Variants in SCAPER observed in about 807,000 individuals in gnomAD.
The protein encoded by SCAPER is S-phase cyclin A associated protein in the ER.
Under a neutral mutation model 182.2 loss-of-function variants are expected in SCAPER, and 98 were observed. The ratio of observed to expected loss-of-function variants is 0.54; its 90% confidence interval spans 0.46 to 0.64. The LOEUF (loss-of-function observed/expected upper bound fraction) is 0.64, where lower values mean the gene tolerates loss of function less well. SCAPER is among the 30% of genes least tolerant of loss of function. The pLI, the probability that SCAPER is intolerant of heterozygous loss-of-function variation, is 0.00. For synonymous variants in SCAPER, 605 were observed against 564.6 expected, an observed-to-expected ratio of 1.07 and a Z score of -1.01; for missense variants, 1,432 against 1,690.0, an observed-to-expected ratio of 0.85 and a Z score of 2.68.
chr15:76,551,272 A>G (rs1266679126), intron 23 of SCAPER, among the ~76,000 whole-genome samples: 2 of 152,230 alleles, frequency 1.3e-5, no homozygotes, highest in Non-Finnish European at 2.9e-5. Context: ...TGTTTATTGC[A>G]GTACTATTCA....
chr15:76,867,809 T>C (rs549597500), intron 2 of SCAPER, among the ~76,000 whole-genome samples: 1 of 152,334 alleles, frequency 6.6e-6, no homozygotes, highest in South Asian at 2.1e-4. Flanking sequence ...CTTTCTTTCC[T>C]GTCACAAAGC....
chr15:76,717,708 T>C (rs2059965065), intron 17 of SCAPER, among the ~76,000 whole-genome samples: 1 of 152,102 alleles, frequency 6.6e-6, no homozygotes, highest in African/African-American at 2.4e-5. Context: ...AAAGAGATCA[T>C]TATTTAATGA....
chr15:76,371,043 C>A (rs548140100), intron 29 of SCAPER, among the ~76,000 whole-genome samples: 1 of 152,218 alleles, frequency 6.6e-6, no homozygotes, highest in Admixed American at 6.5e-5. Flanking sequence ...TCTTAAGCAA[C>A]GTAAGATGAA....
intron 21 of SCAPER, among the ~76,000 whole-genome samples, chr15:76,633,067 C>T (rs765846158): frequency 2.8e-4 from 43 of 152,168 alleles, no homozygotes; most frequent in Non-Finnish European, 5.7e-4. Context: ...GTGTAAGCCA[C>T]CGTGCCCAGC....
At chr15:76,646,083 C>T (rs559436094) in intron 21 of SCAPER, among the ~76,000 whole-genome samples, 1 of 152,220 alleles carries the variant, frequency 6.6e-6, no homozygotes, top group Admixed American at 6.5e-5. Context: ...TTATCCATAT[C>T]TAAATTTATA....
intron 22 of SCAPER, among the ~76,000 whole-genome samples, chr15:76,610,956 G>A (rs2050923932): frequency 6.6e-6 from 1 of 152,002 alleles, no homozygotes; most frequent in African/African-American, 2.4e-5. Context: ...TCCCCAAATA[G>A]TTAAAGCAAT....
chr15:76,619,497 A>G (rs2051817792), intron 22 of SCAPER, among the ~76,000 whole-genome samples: 2 of 152,118 alleles, frequency 1.3e-5, no homozygotes, highest in African/African-American at 2.4e-5. Context: ...ATGCCAAACT[A>G]TTTTTCCAAG....
chr15:76,494,710 T>G (rs999997701), intron 24 of SCAPER, among the ~76,000 whole-genome samples: 1 of 152,080 alleles, frequency 6.6e-6, no homozygotes, highest in Non-Finnish European at 1.5e-5. Flanking sequence ...CTTAAATAAT[T>G]TAATTGTTTT....
chr15:76,464,950 T>C (rs1287404370), intron 25 of SCAPER, among the ~76,000 whole-genome samples: 1 of 152,180 alleles, frequency 6.6e-6, no homozygotes, highest in Non-Finnish European at 1.5e-5. Context: ...TGATATCTCA[T>C]TGTGGTTTTG....
At chr15:76,616,585 T>C (rs143826720) in intron 22 of SCAPER, among the ~76,000 whole-genome samples, 1,645 of 152,218 alleles carry the variant, frequency 0.011, 27 homozygotes, top group African/African-American at 0.037. Context: ...TTTAATATCA[T>C]TAAACTGTAT....
chr15:76,382,849 T>C (rs2043040148), intron 27 of SCAPER, among the ~76,000 whole-genome samples: 1 of 152,166 alleles, frequency 6.6e-6, no homozygotes, highest in Admixed American at 6.5e-5. Context: ...GGAGTTGCTA[T>C]AGCCACTTGT....
At chr15:76,728,571 T>A in intron 17 of SCAPER, 24 bp downstream of exon 17, 1 of 1,612,550 alleles carries the variant, frequency 6.2e-7, no homozygotes, top group Non-Finnish European at 8.5e-7. Context: ...TGCAAAATGT[T>A]CATCAAGATA....
Position 76,733,347 on chromosome 15 carries a change from T to C in SCAPER, c.1904A>G (p.Gln635Arg), listed in dbSNP as rs1252040712. 6.2e-7 allele frequency: 1 copy of C among 1,613,690 alleles called. No individual in the cohort carries two copies. Among genetic ancestry groups the C allele is most frequent in the Non-Finnish European group, 8.5e-7 (1 of 1,179,740 alleles). The change falls in exon 16 of 32, where the codon CAG (glutamine) becomes CGG (arginine). Residue 635 changes from glutamine to arginine, a missense_variant. Gln to Arg is a conservative substitution (Grantham distance 43). Coordinates refer to ENST00000563290, the MANE Select transcript of SCAPER (RefSeq NM_020843.4). ...EIAFINTLEAQNKRHDVLSKL... is the reference protein window; with the variant it reads ...EIAFINTLEARNKRHDVLSKL... Reference sequence around the variant, plus strand: ...TGATAAAACATCATGACGTTTATTCTGGGCTTCAAGGGTATTTATAAAGGC... The same window carrying C: ...TGATAAAACATCATGACGTTTATTCCGGGCTTCAAGGGTATTTATAAAGGC...
chr15:76,880,082 C>T (rs1357422944), intron 2 of SCAPER, among the ~76,000 whole-genome samples: 1 of 152,176 alleles, frequency 6.6e-6, no homozygotes, highest in African/African-American at 2.4e-5. Context: ...CTTAGGTTTG[C>T]CCCGCTAAGC....
chr15:76,436,935 C>G (rs893587447), intron 25 of SCAPER, among the ~76,000 whole-genome samples: 1 of 152,176 alleles, frequency 6.6e-6, no homozygotes, highest in Admixed American at 6.5e-5. Flanking sequence ...AATCATATAT[C>G]CTCCGCAAAC....
At chr15:76,385,815 G>A (rs1320443165) in intron 27 of SCAPER, among the ~76,000 whole-genome samples, 1 of 152,196 alleles carries the variant, frequency 6.6e-6, no homozygotes, top group Non-Finnish European at 1.5e-5. Context: ...CCAAGCCCCT[G>A]TTCTAGAGGC....
intron 23 of SCAPER, among the ~76,000 whole-genome samples, chr15:76,508,887 GGTTGTC>G (rs1272374640): frequency 1.3e-5 from 2 of 151,944 alleles, no homozygotes; most frequent in African/African-American, 4.8e-5. Context: ...CATAAGTTAG[GGTTGTC>G]TACCATAGAT....
chr15:76,578,130 G>A (rs75281718), intron 22 of SCAPER, among the ~76,000 whole-genome samples: 1 of 152,224 alleles, frequency 6.6e-6, no homozygotes, highest in South Asian at 2.1e-4. Context: ...ATAGAAAGGG[G>A]AGGGAAGAGT....
intron 15 of SCAPER, among the ~76,000 whole-genome samples, chr15:76,738,902 T>A (rs2061413882): frequency 6.6e-6 from 1 of 152,160 alleles, no homozygotes; most frequent in Non-Finnish European, 1.5e-5. Flanking sequence ...AAATAAAGAC[T>A]TTGCTTGATG....
Sources: gnomAD v4.1 joint callset for allele counts (sites outside exome capture counted in the v4.1 genomes callset) on GRCh38, gnomAD v4.1.1 for gene constraint, MANE v1.5 for transcripts, NCBI Gene and HGNC (gene_info 2026-07-23, HGNC 2026-07-21) for gene names.